Variants in GRID2 observed in about 807,000 individuals in gnomAD.
GRID2 encodes glutamate receptor ionotropic, delta-2.
In GRID2, 33 loss-of-function variants were observed where a neutral mutation model predicts 114.8. The observed-to-expected ratio is 0.29, with a 90% CI of 0.22 to 0.38. GRID2 has a LOEUF of 0.38. GRID2 is among the 10% of genes least tolerant of loss of function. The pLI, the probability that GRID2 is intolerant of heterozygous loss-of-function variation, is 1.00. For synonymous variants in GRID2, 505 were observed against 449.9 expected (o/e 1.12, Z -1.55); for missense variants, 1,184 against 1,257.7 (o/e 0.94, Z 0.89).
chr4:93,314,026 C>T (rs1180449883), intron 8 of GRID2, among the ~76,000 whole-genome samples: 1 of 152,064 alleles, frequency 6.6e-6, no homozygotes, highest in Non-Finnish European at 1.5e-5. Context: ...AGACATTGGC[C>T]AGGCACAATG....
At chr4:92,841,257 C>T (rs1310156662) in intron 2 of GRID2, among the ~76,000 whole-genome samples, 1 of 152,076 alleles carries the variant, frequency 6.6e-6, no homozygotes, top group Admixed American at 6.6e-5. Context: ...GAAATGTACT[C>T]ACTTTTTTCT....
At chr4:92,658,381 G>A (rs895687557) in intron 2 of GRID2, among the ~76,000 whole-genome samples, 3 of 151,708 alleles carry the variant, frequency 2.0e-5, no homozygotes, top group East Asian at 3.9e-4. Flanking sequence ...GAAATGTTCA[G>A]AGAAAGTGAG....
At chr4:92,770,367 C>T (rs1341099071) in intron 2 of GRID2, among the ~76,000 whole-genome samples, 1 of 152,174 alleles carries the variant, frequency 6.6e-6, no homozygotes, top group Non-Finnish European at 1.5e-5. Flanking sequence ...CCCACATTTT[C>T]CTTTCTTCTT....
rs143150157 is a variant in GRID2, at chr4:93,386,193, G to A, written c.1246-9414G>A. Among the ~76,000 whole-genome samples, 507 of 152,208 alleles carry A rather than the reference G, an allele frequency of 3.3e-3. 7 individuals are homozygous for A. Among genetic ancestry groups the A allele is most frequent in the African/African-American group, 0.012 (485 of 41,540 alleles). On this transcript the variant is annotated intron_variant, in intron 8 of 15. Transcript: ENST00000282020. ...TCATTGATTGAGGTAAAAAATGACAGCAGTTTCTAGAGCTACACTGCCTGT... is the reference window on the plus strand; with the variant it reads ...TCATTGATTGAGGTAAAAAATGACAACAGTTTCTAGAGCTACACTGCCTGT...
intron 14 of GRID2, among the ~76,000 whole-genome samples, chr4:93,721,817 C>T (rs1386451205): frequency 6.6e-6 from 1 of 151,662 alleles, no homozygotes; most frequent in African/African-American, 2.4e-5. Flanking sequence ...ATTTAATCTT[C>T]ATAATAACAG....
At chr4:93,128,054 A>AAAC (rs2149371231) in intron 4 of GRID2, among the ~76,000 whole-genome samples, 1 of 145,008 alleles carries the variant, frequency 6.9e-6, no homozygotes, top group East Asian at 2.0e-4. Flanking sequence ...AAAAAAAAAA[A>AAAC]AAAAACAACA....
At chr4:93,464,735 C>G (rs961927862) in intron 11 of GRID2, among the ~76,000 whole-genome samples, 4 of 151,974 alleles carry the variant, frequency 2.6e-5, no homozygotes, top group African/African-American at 9.7e-5. Context: ...CATGACCCAC[C>G]AATGCACTGT....
intron 9 of GRID2, among the ~76,000 whole-genome samples, chr4:93,415,172 C>G (rs1767582030): frequency 6.6e-6 from 1 of 152,096 alleles, no homozygotes; most frequent in African/African-American, 2.4e-5. Flanking sequence ...CCATTAAATA[C>G]TTGCAGACTT....
At chr4:92,721,629 TA>T (rs898296115) in intron 2 of GRID2, among the ~76,000 whole-genome samples, 8 of 152,140 alleles carry the variant, frequency 5.3e-5, no homozygotes, top group Non-Finnish European at 8.8e-5. Flanking sequence ...ATTATAGCAT[TA>T]AAAAATGCCA....
chr4:93,607,879 T>G (rs1022343138), intron 13 of GRID2, among the ~76,000 whole-genome samples: 1 of 152,060 alleles, frequency 6.6e-6, no homozygotes, highest in African/African-American at 2.4e-5. Flanking sequence ...CTTTTCTAGT[T>G]AAATCATTAG....
chr4:93,771,925 T>C, intron 15 of GRID2, 151 bp from the exon 16 acceptor site: 2 of 604,880 alleles, frequency 3.3e-6, no homozygotes, highest in South Asian at 2.0e-5. Flanking sequence ...CTTAGCACAG[T>C]GCCTGGCTCA....
intron 2 of GRID2, among the ~76,000 whole-genome samples, chr4:93,061,145 GC>G (rs1727759130): frequency 7.2e-6 from 1 of 139,124 alleles, no homozygotes; most frequent in East Asian, 2.1e-4. Context: ...TAAATAAATA[GC>G]CATTGTAGAA....
chr4:92,637,372 G>A (rs551929758), intron 2 of GRID2, among the ~76,000 whole-genome samples: 4 of 152,078 alleles, frequency 2.6e-5, no homozygotes, highest in Middle Eastern at 3.4e-3. Flanking sequence ...AACTAAAAGT[G>A]GCATGTTAGC....
intron 5 of GRID2, among the ~76,000 whole-genome samples, chr4:93,215,398 A>G (rs1744084343): frequency 6.6e-6 from 1 of 152,050 alleles, no homozygotes; most frequent in Non-Finnish European, 1.5e-5. Flanking sequence ...GTCTGGTTAA[A>G]ATCAGGACTT....
chr4:93,481,254 CAGA>C (rs1725835241), intron 11 of GRID2, among the ~76,000 whole-genome samples: 1 of 152,122 alleles, frequency 6.6e-6, no homozygotes, highest in Non-Finnish European at 1.5e-5. Context: ...AGCATTTGTG[CAGA>C]AGAAGGCTGA....
rs113865355 is a variant in GRID2, at chr4:92,883,313, A to C, written c.245-201682A>C. Among the ~76,000 whole-genome samples the C allele has an allele frequency of 2.0e-5, 3 of 152,254 alleles. 1 individual carries two copies. The highest frequency in any genetic ancestry group is 7.2e-5 in the African/African-American group (3 of 41,562). ...AGTCACATCTTCAGGCTCTGCTTCT[A>C]ATGCTCTTGCTGTTTTTATCACATC... On this transcript the variant is annotated intron_variant, in intron 2 of 15. Coordinates refer to ENST00000282020, the MANE Select transcript of GRID2 (RefSeq NM_001510.4).
intron 4 of GRID2, among the ~76,000 whole-genome samples, chr4:93,188,909 GAGACCTCATC>G (rs1740699538): frequency 6.6e-6 from 1 of 152,072 alleles, no homozygotes; most frequent in Non-Finnish European, 1.5e-5. Flanking sequence ...ATTTCTATCT[GAGACCTCATC>G]AGAATGACCT....
intron 12 of GRID2, among the ~76,000 whole-genome samples, chr4:93,502,855 G>A (rs1728260134): frequency 6.6e-6 from 1 of 151,954 alleles, no homozygotes; most frequent in South Asian, 2.1e-4. Flanking sequence ...AGGAAGGCGA[G>A]GAATAAGGTC....
At chr4:93,421,133 G>A (rs1768239395) in intron 9 of GRID2, among the ~76,000 whole-genome samples, 1 of 152,134 alleles carries the variant, frequency 6.6e-6, no homozygotes, top group Non-Finnish European at 1.5e-5. Flanking sequence ...TCTGCTGTGT[G>A]TAGTCTCAGA....
Sources: allele counts gnomAD v4.1 joint callset (sites outside exome capture counted in the v4.1 genomes callset), GRCh38; gene constraint gnomAD v4.1.1; transcripts MANE v1.5; gene names NCBI Gene and HGNC (gene_info 2026-07-23, HGNC 2026-07-21).